The following LYRM4 variants were observed in gnomAD, a reference collection of about 807,000 sequenced individuals.
The protein encoded by LYRM4 is LYR motif-containing protein 4.
In LYRM4, 9 loss-of-function variants were observed where a neutral mutation model predicts 11.7. The observed-to-expected ratio is 0.77, with a 90% confidence interval of 0.46 to 1.34. The LOEUF (loss-of-function observed/expected upper bound fraction) is 1.34. LYRM4 is among the 40% of genes most tolerant of loss of function. The probability of loss-of-function intolerance (pLI) is 0.00; values close to 1 mark genes in which losing one functional copy is unlikely to be tolerated. For missense variants in LYRM4, 133 were observed against 112.5 expected (o/e 1.18, Z -0.82); for synonymous variants, 42 against 40.4 (o/e 1.04, Z -0.15).
At chr6:5,252,142 T>C (rs968229715) in intron 1 of LYRM4, among the ~76,000 whole-genome samples, 2 of 152,224 alleles carry the variant, frequency 1.3e-5, no homozygotes, top group Admixed American at 1.3e-4. Flanking sequence ...TGTTTAACCA[T>C]TTCACCTATA....
the LYRM4 span, among the ~76,000 whole-genome samples, chr6:5,069,867 G>C: frequency 6.6e-6 from 1 of 152,202 alleles, no homozygotes; most frequent in Non-Finnish European, 1.5e-5. Context: ...GCAAGGATTT[G>C]TGTCTGTTTT....
At chr6:5,176,561 AC>A (rs1759733930) in intron 2 of LYRM4, among the ~76,000 whole-genome samples, 2 of 152,200 alleles carry the variant, frequency 1.3e-5, no homozygotes, top group African/African-American at 4.8e-5. Flanking sequence ...CTCCTCAGGA[AC>A]CAATGGGAAG....
intron 2 of LYRM4, among the ~76,000 whole-genome samples, chr6:5,124,932 GT>G (rs1001336048): frequency 6.6e-6 from 1 of 152,210 alleles, no homozygotes; most frequent in African/African-American, 2.4e-5. Context: ...TGGTTTCGGT[GT>G]TTGTCTCTGA....
the LYRM4 span, chr6:5,033,179 C>CCTCTCA: frequency 7.6e-6 from 1 of 131,958 alleles, no homozygotes. Flanking sequence ...CAGACAGACT[C>CCTCTCA]TTCTCCCTCC....
chr6:5,067,951 G>A, the LYRM4 span, among the ~76,000 whole-genome samples: 1 of 152,302 alleles, frequency 6.6e-6, no homozygotes, highest in East Asian at 1.9e-4. Context: ...AAGATTGCAG[G>A]AATAAATTAA....
chr6:5,050,052 G>T, the LYRM4 span, among the ~76,000 whole-genome samples: 3 of 152,260 alleles, frequency 2.0e-5, no homozygotes, highest in African/African-American at 7.2e-5. Context: ...GCACTCTGAT[G>T]TTCGACATTC....
At chr6:5,039,416 C>T in the LYRM4 span, among the ~76,000 whole-genome samples, 1 of 152,148 alleles carries the variant, frequency 6.6e-6, no homozygotes, top group African/African-American at 2.4e-5. Context: ...CAACCTGTTT[C>T]CCCATTTTTT....
chr6:5,238,462 T>C (rs887985599), intron 1 of LYRM4, among the ~76,000 whole-genome samples: 3 of 152,214 alleles, frequency 2.0e-5, no homozygotes, highest in South Asian at 2.1e-4. Context: ...AGAGACATCA[T>C]TGATTATCTG....
intron 1 of LYRM4, among the ~76,000 whole-genome samples, chr6:5,255,876 G>A (rs748529627): frequency 5.9e-5 from 9 of 152,316 alleles, no homozygotes; most frequent in East Asian, 3.9e-4. Context: ...ACCCCAGGAT[G>A]AGAACTACTA....
At chr6:5,171,146 G>A (rs903156530) in intron 2 of LYRM4, among the ~76,000 whole-genome samples, 1 of 152,146 alleles carries the variant, frequency 6.6e-6, no homozygotes, top group Non-Finnish European at 1.5e-5. Context: ...ATGATAAAAA[G>A]ATTATGAATA....
At chr6:5,173,924 G>GT (rs1239055603) in intron 2 of LYRM4, among the ~76,000 whole-genome samples, 1 of 152,294 alleles carries the variant, frequency 6.6e-6, no homozygotes, top group African/African-American at 2.4e-5. Flanking sequence ...GGTTGCTGTG[G>GT]TATGAAAAGA....
intron 1 of LYRM4, among the ~76,000 whole-genome samples, chr6:5,254,115 G>A (rs1021175690): frequency 2.6e-5 from 4 of 152,202 alleles, no homozygotes; most frequent in Non-Finnish European, 5.9e-5. Flanking sequence ...GCAAATCCAT[G>A]AGATGCACTG....
chr6:5,208,040 A>AATT (rs1012074863), intron 2 of LYRM4, among the ~76,000 whole-genome samples: 29 of 152,110 alleles, frequency 1.9e-4, no homozygotes, highest in African/African-American at 6.8e-4. Context: ...TCCTTGGGAG[A>AATT]ATTACCCCAG....
At chr6:5,260,110 C>T (rs893629770) in intron 1 of LYRM4, among the ~76,000 whole-genome samples, 3 of 152,114 alleles carry the variant, frequency 2.0e-5, no homozygotes, top group African/African-American at 7.2e-5. Flanking sequence ...GACCCTTTTT[C>T]CTTTTCCGCT....
rs151067533 is a variant in LYRM4, at chr6:5,210,122, G to A, written c.207+6496C>T. Among the ~76,000 whole-genome samples the A allele has an allele frequency of 1.2e-4, 18 of 152,242 alleles. No individual in the cohort carries two copies. The East Asian group carries it at 2.1e-3, about 18-fold the overall frequency. ...GAATCTATAATGATATAAATATATAGCTGGCATATAACTTTGTTCATCTGC... is the reference window on the plus strand; with the variant it reads ...GAATCTATAATGATATAAATATATAACTGGCATATAACTTTGTTCATCTGC... On this transcript the variant is annotated intron_variant, in intron 2 of 2. Coordinates refer to ENST00000330636, the MANE Select transcript of LYRM4 (RefSeq NM_020408.6).
the LYRM4 span, chr6:5,065,799 A>G: frequency 2.2e-5 from 7 of 324,222 alleles, no homozygotes; most frequent in East Asian, 5.3e-4. Context: ...TAGTTGCTAC[A>G]TATTTACCAG....
chr6:5,198,463 T>G (rs1393284260), intron 2 of LYRM4, among the ~76,000 whole-genome samples: 1 of 152,160 alleles, frequency 6.6e-6, no homozygotes, highest in Non-Finnish European at 1.5e-5. Flanking sequence ...CTCCACCTAC[T>G]GTGTGAAAGG....
intron 1 of LYRM4, among the ~76,000 whole-genome samples, chr6:5,228,431 C>T (rs1251696638): frequency 1.3e-5 from 2 of 151,970 alleles, no homozygotes; most frequent in African/African-American, 4.8e-5. Context: ...TGCATGCCAC[C>T]ATGTCTGGCT....
intron 2 of LYRM4, chr6:5,144,392 C>T (rs1757581680): frequency 1.0e-6 from 1 of 980,376 alleles, no homozygotes; most frequent in African/African-American, 1.6e-5. Flanking sequence ...AATTCCAGCA[C>T]TTTGGGAGGC....
Sources: allele counts gnomAD v4.1 joint callset (sites outside exome capture counted in the v4.1 genomes callset), GRCh38; gene constraint gnomAD v4.1.1; transcripts MANE v1.5; gene names NCBI Gene and HGNC (gene_info 2026-07-23, HGNC 2026-07-21).